BRWD3: variants seen among roughly 807,000 people sequenced by gnomAD.
The protein encoded by BRWD3 is bromodomain and WD repeat domain containing 3, also known as bromodomain and WD repeat-containing protein 3.
A neutral mutation model predicts 149.7 loss-of-function variants in BRWD3; 10 were observed. That is an observed-to-expected ratio of 0.07 (90% CI 0.04 to 0.11). The LOEUF (loss-of-function observed/expected upper bound fraction) is 0.11, where lower values mean the gene tolerates loss of function less well. BRWD3 is among the 10% of genes least tolerant of loss of function. BRWD3 has a pLI of 1.00. For synonymous variants in BRWD3, 504 were observed against 456.7 expected (o/e 1.10, Z -1.32); for missense variants, 940 against 1,373.2 (o/e 0.68, Z 4.99).
intron 8 of BRWD3, among the ~76,000 whole-genome samples, chrX:80,736,488 G>A (rs2073406078): frequency 9.0e-6 from 1 of 111,623 alleles, no homozygotes; most frequent in Non-Finnish European, 1.9e-5. Flanking sequence ...CAGATGGGCA[G>A]AGGATTAGAA....
In BRWD3 at chrX:80,693,973, A is replaced by G. The variant is rs746598237; in HGVS notation, c.3152-922T>C. ...ATGTTAGTCACCAAGAAAATGGGGG[A>G]AAATGTCTTCCAGGGCATGTCAGAG... On this transcript the variant is annotated intron_variant, in intron 27 of 40. Transcript: ENST00000373275. Among the ~76,000 whole-genome samples the G allele has an allele frequency of 3.6e-5, 4 of 111,444 alleles. No individual in the cohort carries two copies. In the South Asian group the frequency reaches 1.5e-3, roughly 43 times the overall value.
Position 80,701,829 on chromosome X carries a change from T to C in BRWD3, c.2835+1651A>G, listed in dbSNP as rs182943546. On this transcript the variant is annotated intron_variant, in intron 24 of 40. Coordinates refer to ENST00000373275, the MANE Select transcript of BRWD3 (RefSeq NM_153252.5). ...TTCCACAAATACTGATCATTGAACA[T>C]CTATGTGTAGGCACTAGATGCTGTG... 6.7e-3 allele frequency among the ~76,000 whole-genome samples: 739 copies of C among 111,039 alleles called. 6 individuals carry two copies. Among genetic ancestry groups the C allele is most frequent in the African/African-American group, 0.022 (677 of 30,617 alleles).
chrX:80,683,062 C>T (rs761815673), intron 37 of BRWD3, among the ~76,000 whole-genome samples: 1 of 111,187 alleles, frequency 9.0e-6, no homozygotes, highest in South Asian at 3.7e-4. Flanking sequence ...AAATGGATAA[C>T]TGGAAACAAC....
chrX:80,697,219 C>A (rs1021409332), intron 25 of BRWD3, among the ~76,000 whole-genome samples: 4 of 111,670 alleles, frequency 3.6e-5, no homozygotes, highest in African/African-American at 1.3e-4. Context: ...AATCACTCCC[C>A]TAGCAAAAAT....
intron 6 of BRWD3, among the ~76,000 whole-genome samples, chrX:80,760,552 T>C (rs2073791962): frequency 8.9e-6 from 1 of 111,939 alleles, no homozygotes; most frequent in Non-Finnish European, 1.9e-5. Flanking sequence ...TGTATGATAG[T>C]CTAATGTGCA....
Position 80,682,037 on chromosome X carries a change from T to G in BRWD3, c.4455A>C (p.Ser1485=). 1 of 1,209,612 alleles carries G rather than the reference T, an allele frequency of 8.3e-7. No homozygotes were observed. Among genetic ancestry groups the G allele is most frequent in the Non-Finnish European group, 1.1e-6 (1 of 893,989 alleles). Residue 1485 remains serine (S), a synonymous_variant, in exon 39 of 41, where the codon TCA becomes TCC. Transcript: ENST00000373275. ...KLQPKNDQNT[S]VSHARTSSPF... is the part of the protein sequence containing the mutation. ...GAGAGCTAGTCCTGGCATGAGATACTGAGGTATTCTGGTCATTTTTAGGCT... is the reference window on the plus strand; with the variant it reads ...GAGAGCTAGTCCTGGCATGAGATACGGAGGTATTCTGGTCATTTTTAGGCT...
In BRWD3 at chrX:80,735,506, T is replaced by C. The variant is rs771472214; in HGVS notation, c.915-309A>G. On this transcript the variant is annotated intron_variant, in intron 9 of 40. Coordinates refer to ENST00000373275, the MANE Select transcript of BRWD3 (RefSeq NM_153252.5). ...ATCCTACCAAGATTTTCTATATAAA[T>C]TGTCTCTTCAACATTAATATCAAAA... Among the ~76,000 whole-genome samples, 3 of 111,742 alleles carry C rather than the reference T, an allele frequency of 2.7e-5. No individual in the cohort carries two copies. In the East Asian group the frequency reaches 8.5e-4, roughly 32 times the overall value.
intron 4 of BRWD3, among the ~76,000 whole-genome samples, chrX:80,805,137 A>C (rs753356696): frequency 4.7e-4 from 52 of 111,634 alleles, no homozygotes; most frequent in African/African-American, 1.3e-3. Flanking sequence ...CTAAACACTA[A>C]ATCAGATGAC....
At chrX:80,741,985 C>A (rs1463194852) in intron 8 of BRWD3, among the ~76,000 whole-genome samples, 1 of 111,500 alleles carries the variant, frequency 9.0e-6, no homozygotes, top group African/African-American at 3.3e-5. Flanking sequence ...AGTCCTTGCC[C>A]ATGCCTATGT....
chrX:80,690,948 G>C (rs1406023324), intron 31 of BRWD3, 105 bp downstream of exon 31: 1 of 955,486 alleles, frequency 1.0e-6, no homozygotes. Flanking sequence ...TTTGGTGTGG[G>C]TCTTTTGGAT....
At position 80,689,814 on chromosome X, in the gene BRWD3, T is replaced by A. The variant is rs1158278748; in HGVS notation, c.3761A>T (p.Tyr1254Phe). 7.5e-6 allele frequency: 9 copies of A among 1,203,097 alleles called. No individual in the cohort carries two copies. Among genetic ancestry groups the A allele is most frequent in the Non-Finnish European group, 1.0e-5 (9 of 888,813 alleles). The change falls in exon 33 of 41, where the codon TAT (tyrosine) becomes TTT (phenylalanine). Residue 1254 changes from tyrosine (Y) to phenylalanine (F), a missense_variant. By Grantham distance (22) the Tyr-to-Phe change is conservative. Coordinates refer to ENST00000373275, the MANE Select transcript of BRWD3 (RefSeq NM_153252.5). ...TCGTTCTTCTGCTTTAATTTTATTA[T>A]AAGTATCCAGTATATCAGTACAGCT... The part of the protein sequence containing the change: ...DQSCTDILDT[Y>F]NKIKAEERNS...
chrX:80,735,031 A>T, intron 10 of BRWD3, 96 bp downstream of exon 10: 2 of 763,357 alleles, frequency 2.6e-6, no homozygotes, highest in Non-Finnish European at 4.0e-6. Flanking sequence ...TCCTTCAATT[A>T]ACACTCAAAT....
rs950589223 is a variant in BRWD3 at position 80,691,231 on chromosome X, A to G, written c.3482-58T>C. Reference sequence around the variant, plus strand: ...ATAAAGGACATTAACATCTCATGGTAACAAACATTTATTCATATATAAACA... The same window carrying G: ...ATAAAGGACATTAACATCTCATGGTGACAAACATTTATTCATATATAAACA... On this transcript the variant is annotated intron_variant, in intron 30 of 40. Transcript: ENST00000373275. The G allele has an allele frequency of 8.0e-6, 9 of 1,126,408 alleles. No individual in the cohort carries two copies. The African/African-American group carries it at 1.1e-4, about 14-fold the overall frequency. The allele number at this position is 1,126,408 out of a possible 1,213,427, so 92.8% of individuals were successfully genotyped here. A position where few individuals can be genotyped will look rare whatever the true frequency, so the allele number is the denominator to read the frequency against.
chrX:80,712,216 C>A (rs1220788119), intron 20 of BRWD3, among the ~76,000 whole-genome samples: 1 of 111,777 alleles, frequency 8.9e-6, no homozygotes, highest in Non-Finnish European at 1.9e-5. Flanking sequence ...CTGGACTGTA[C>A]TGCTGCCATC....
chrX:80,700,673 G>A (rs1274271356), intron 24 of BRWD3, among the ~76,000 whole-genome samples: 1 of 105,920 alleles, frequency 9.4e-6, no homozygotes, highest in Non-Finnish European at 1.9e-5. Flanking sequence ...GGAAGCGGAG[G>A]TTGCAGTGAG....
chrX:80,728,104 G>A (rs988209939), intron 14 of BRWD3, among the ~76,000 whole-genome samples: 23 of 111,684 alleles, frequency 2.1e-4, no homozygotes, highest in African/African-American at 6.8e-4. Flanking sequence ...ACTTACTATC[G>A]TGTAATCACA....
At chrX:80,714,951 T>C (rs184422973) in intron 20 of BRWD3, among the ~76,000 whole-genome samples, 1 of 112,274 alleles carries the variant, frequency 8.9e-6, no homozygotes, top group East Asian at 2.8e-4. Flanking sequence ...AAATTTGAAG[T>C]GAAAACTATT....
At chrX:80,710,708 A>G in intron 20 of BRWD3, 1 of 766,721 alleles carries the variant, frequency 1.3e-6, no homozygotes, top group Non-Finnish European at 2.0e-6. Flanking sequence ...TGGAACATTA[A>G]GTGATAAGCC....
chrX:80,798,132 T>C (rs2074257349), intron 4 of BRWD3, among the ~76,000 whole-genome samples: 1 of 111,152 alleles, frequency 9.0e-6, no homozygotes, highest in African/African-American at 3.3e-5. Flanking sequence ...ATAAATAAAA[T>C]ATGATTGTAA....
Sources: allele counts gnomAD v4.1 joint callset (sites outside exome capture counted in the v4.1 genomes callset), GRCh38; gene constraint gnomAD v4.1.1; transcripts MANE v1.5; gene names NCBI Gene and HGNC (gene_info 2026-07-23, HGNC 2026-07-21).